The following SCUBE1 variants were observed in gnomAD, a reference collection of about 807,000 sequenced individuals.
SCUBE1 encodes the protein signal peptide, CUB domain and EGF like domain containing 1.
Under a neutral mutation model 124.4 loss-of-function variants are expected in SCUBE1, and 59 were observed. That is an observed-to-expected ratio of 0.47 (90% CI 0.38 to 0.59). The LOEUF (loss-of-function observed/expected upper bound fraction) is 0.59, where lower values mean the gene tolerates loss of function less well. Ranked by LOEUF, SCUBE1 falls within the 20% of genes least tolerant of loss-of-function variation. SCUBE1 has a pLI of 0.00. For synonymous variants in SCUBE1, 545 were observed against 550.9 expected (o/e 0.99, Z 0.15); for missense variants, 1,150 against 1,371.2 (o/e 0.84, Z 2.55).
chr22:43,212,567 C>T lies in SCUBE1; in HGVS notation c.2079G>A (p.Ser693=), dbSNP rs535013795. 1.7e-5 allele frequency: 27 copies of T among 1,567,036 alleles called. No individual in the cohort carries two copies. Among genetic ancestry groups the T allele is most frequent in the Admixed American group, 1.1e-4 (6 of 53,390 alleles). The change falls in exon 17 of 22, where the codon TCG becomes TCA. Residue 693 remains serine, a synonymous_variant. Coordinates refer to ENST00000360835, the MANE Select transcript of SCUBE1 (RefSeq NM_173050.5). ...CCTGGCAGGGCTTGAAGCCATCGGC[C>T]GAGAAGAAGCCTGGAGAACACTGGC... The part of the protein sequence containing the change: ...CGGQCSPGFF[S]ADGFKPCQAC...
chr22:43,280,721 TCCTGTCACCTTCCTCCTCGGC>T, intron 4 of SCUBE1, among the ~76,000 whole-genome samples: 1 of 63,186 alleles, frequency 1.6e-5, no homozygotes, highest in Non-Finnish European at 3.0e-5. Flanking sequence ...TCGGCCACCC[TCCTGTCACCTTCCTCCTCGGC>T]CACCCTCCTG....
chr22:43,301,343 T>A (rs937869091), intron 3 of SCUBE1, among the ~76,000 whole-genome samples: 3 of 151,950 alleles, frequency 2.0e-5, no homozygotes, highest in Non-Finnish European at 4.4e-5. Context: ...AAACATGAAC[T>A]CCCTTTCCCG....
At chr22:43,294,819 C>A (rs1400556101) in intron 3 of SCUBE1, among the ~76,000 whole-genome samples, 2 of 152,190 alleles carry the variant, frequency 1.3e-5, no homozygotes, top group African/African-American at 4.8e-5. Flanking sequence ...AGAATCCCAG[C>A]CCACCCCCAA....
At chr22:43,231,119 T>G (rs1268567860) in intron 8 of SCUBE1, among the ~76,000 whole-genome samples, 1 of 152,200 alleles carries the variant, frequency 6.6e-6, no homozygotes, top group African/African-American at 2.4e-5. Context: ...AAGTTCCTTG[T>G]GGTCCCCTAA....
intron 4 of SCUBE1, among the ~76,000 whole-genome samples, chr22:43,279,377 T>C (rs1416622421): frequency 6.6e-6 from 1 of 152,112 alleles, no homozygotes; most frequent in Non-Finnish European, 1.5e-5. Flanking sequence ...CTCCAACCAC[T>C]TAGGAGGCTG....
chr22:43,208,931 G>A (rs1229882112), intron 19 of SCUBE1, among the ~76,000 whole-genome samples: 1 of 152,168 alleles, frequency 6.6e-6, no homozygotes, highest in Non-Finnish European at 1.5e-5. Context: ...GCCTTCCCGA[G>A]GAGCCCTTCA....
intron 6 of SCUBE1, among the ~76,000 whole-genome samples, chr22:43,240,532 C>T (rs1211272832): frequency 6.6e-6 from 1 of 152,228 alleles, no homozygotes. Context: ...GGGCCATCTA[C>T]TGGGACAGTG....
chr22:43,212,437 A>G lies in SCUBE1; in HGVS notation c.2209T>C (p.Cys737Arg). The G allele has an allele frequency of 6.4e-7, 1 of 1,551,508 alleles. No homozygotes were observed. Among genetic ancestry groups the G allele is most frequent in the Non-Finnish European group, 8.7e-7 (1 of 1,147,414 alleles). Reference protein sequence around the residue: ...KHEGTTSFQDCEAKVHCSPGH... With the variant: ...KHEGTTSFQDREAKVHCSPGH... ...AGGGCATGCTCACCTTTAGCCTCGC[A>G]GTCCTGGAAGGAGGTGGTGCCTTCG... is the stretch of plus-strand genomic sequence containing the variant. The change falls in exon 17 of 22, where the codon TGC becomes CGC. Residue 737 changes from cysteine (C) to arginine (R), a missense_variant. Transcript: ENST00000360835.
intron 4 of SCUBE1, among the ~76,000 whole-genome samples, chr22:43,272,940 G>C (rs1008625268): frequency 1.1e-4 from 16 of 152,248 alleles, no homozygotes; most frequent in African/African-American, 3.9e-4. Flanking sequence ...TGTCAGTGCA[G>C]AGTTCACATG....
intron 3 of SCUBE1, chr22:43,318,183 A>T (rs376215164): frequency 4.1e-4 from 62 of 152,326 alleles, no homozygotes; most frequent in African/African-American, 1.5e-3. Flanking sequence ...ACTGTGGGGC[A>T]ACTAGAAAAA....
intron 1 of SCUBE1, among the ~76,000 whole-genome samples, chr22:43,340,130 C>A (rs923556212): frequency 6.6e-6 from 1 of 151,714 alleles, no homozygotes; most frequent in Non-Finnish European, 1.5e-5. Context: ...GGGATCCCAC[C>A]CTGCCCCTAG....
Position 43,220,530 on chromosome 22 carries a change from C to G in SCUBE1, c.1607G>C (p.Arg536Pro), listed in dbSNP as rs778296868. The change falls in exon 14 of 22, where the codon CGT becomes CCT. Residue 536 changes from arginine to proline, a missense_variant. By Grantham distance (103) the Arg-to-Pro change is moderately radical. Transcript: ENST00000360835. ...CTCCTTGGATGGGGACTTGCGGCCA[C>G]GGCGCCTCTTCTTGGAGGAGTCACA... ...LKCDSSKKRR[R>P]GRKSPSKEVS... 18 of 1,614,014 alleles carry G rather than the reference C, an allele frequency of 1.1e-5. No homozygotes were observed. Among genetic ancestry groups the G allele is most frequent in the Non-Finnish European group, 1.4e-5 (17 of 1,180,014 alleles).
At chr22:43,335,853 GTGGTGATGATGGTGA>G (rs1159061264) in intron 2 of SCUBE1, among the ~76,000 whole-genome samples, 8 of 137,608 alleles carry the variant, frequency 5.8e-5, no homozygotes, top group East Asian at 2.1e-4. Context: ...AATGATGATG[GTGGTGATGATGGTGA>G]TGGTGATGAT....
chr22:43,264,652 G>A lies in SCUBE1; in HGVS notation c.485-1807C>T, dbSNP rs1022099361. On this transcript the variant is annotated intron_variant, in intron 4 of 21. Transcript: ENST00000360835. ...TCGGCGGTGGGCTGAGTCCAGGGTC[G>A]CCCCCTTCATCCCTGTTCATTTGGC... Among the ~76,000 whole-genome samples, 11 of 152,228 alleles carry A rather than the reference G, an allele frequency of 7.2e-5. No individual in the cohort carries two copies. In the South Asian group the frequency reaches 1.9e-3, roughly 26 times the overall value.
At chr22:43,259,276 G>A (rs1050711960) in intron 5 of SCUBE1, among the ~76,000 whole-genome samples, 1 of 152,122 alleles carries the variant, frequency 6.6e-6, no homozygotes, top group African/African-American at 2.4e-5. Context: ...TCATCCGAAC[G>A]CAAATGTGCA....
chr22:43,262,298 C>T (rs1179429293), intron 5 of SCUBE1, among the ~76,000 whole-genome samples: 1 of 152,132 alleles, frequency 6.6e-6, no homozygotes, highest in Non-Finnish European at 1.5e-5. Flanking sequence ...TCTTTGGTCC[C>T]GGAAAAAAGG....
intron 19 of SCUBE1, among the ~76,000 whole-genome samples, chr22:43,209,081 C>T (rs1025484983): frequency 3.3e-5 from 5 of 152,212 alleles, no homozygotes; most frequent in South Asian, 2.1e-4. Flanking sequence ...CCGCACACTG[C>T]GGCTTTTGGC....
intron 2 of SCUBE1, among the ~76,000 whole-genome samples, chr22:43,321,144 C>T (rs143622000): frequency 6.6e-6 from 1 of 152,218 alleles, no homozygotes; most frequent in East Asian, 1.9e-4. Flanking sequence ...ACCGGAAGTG[C>T]ATCTCACGAG....
chr22:43,219,719 CCACTT>C, intron 14 of SCUBE1, among the ~76,000 whole-genome samples: 1 of 152,250 alleles, frequency 6.6e-6, no homozygotes, highest in Non-Finnish European at 1.5e-5. Context: ...AGTGATCCAC[CCACTT>C]TGGCCCTCCC....
Sources: allele counts gnomAD v4.1 joint callset (sites outside exome capture counted in the v4.1 genomes callset), GRCh38; gene constraint gnomAD v4.1.1; transcripts MANE v1.5; gene names NCBI Gene and HGNC (gene_info 2026-07-23, HGNC 2026-07-21).